PDE7A: variants seen among roughly 807,000 people sequenced by gnomAD.
PDE7A encodes high affinity 3',5'-cyclic-AMP phosphodiesterase 7A.
Under a neutral mutation model 64.3 loss-of-function variants are expected in PDE7A, and 39 were observed. The ratio of observed to expected loss-of-function variants is 0.61; its 90% confidence interval spans 0.47 to 0.79. The LOEUF (loss-of-function observed/expected upper bound fraction) is 0.79, where lower values mean the gene tolerates loss of function less well. Among genes scored for constraint, PDE7A ranks in the 30% least tolerant of loss-of-function variants. The pLI is 0.00. For missense variants in PDE7A, 470 were observed against 582.8 expected, an observed-to-expected ratio of 0.81 and a Z score of 1.99; for synonymous variants, 203 against 206.8, an observed-to-expected ratio of 0.98 and a Z score of 0.16.
At chr8:65,719,857 C>T (rs1806301424) in intron 12 of PDE7A, 1 of 260,534 alleles carries the variant, frequency 3.8e-6, no homozygotes, top group Non-Finnish European at 7.5e-6. Context: ...AGTTGCAGTG[C>T]AACAACTGGA....
intron 1 of PDE7A, among the ~76,000 whole-genome samples, chr8:65,787,057 T>G (rs1309899821): frequency 6.6e-6 from 1 of 152,210 alleles, no homozygotes; most frequent in Non-Finnish European, 1.5e-5. Flanking sequence ...ATACATAACT[T>G]TTAAAGACAG....
rs192902712 is a variant in PDE7A, at chr8:65,816,617, T to C, written c.138+24754A>G. On this transcript the variant is annotated intron_variant, in intron 1 of 12. Transcript: ENST00000401827. Reference sequence around the variant, plus strand: ...TTTTAAAGGTTAGTTTTGCTAAATATAGACTTCTTCACAGACAGTTTTCTT... The same window carrying C: ...TTTTAAAGGTTAGTTTTGCTAAATACAGACTTCTTCACAGACAGTTTTCTT... 1.6e-3 allele frequency among the ~76,000 whole-genome samples: 237 copies of C among 152,354 alleles called. 1 individual carries two copies. The highest frequency in any genetic ancestry group is 5.3e-3 in the African/African-American group (222 of 41,584).
chr8:65,817,207 ATAG>A (rs1183838369), intron 1 of PDE7A, among the ~76,000 whole-genome samples: 1 of 152,366 alleles, frequency 6.6e-6, no homozygotes, highest in African/African-American at 2.4e-5. Context: ...AGTTGCAAAG[ATAG>A]TAGAGTGTTC....
chr8:65,768,253 C>T (rs928338233), intron 3 of PDE7A, among the ~76,000 whole-genome samples: 2 of 152,162 alleles, frequency 1.3e-5, no homozygotes, highest in Admixed American at 1.3e-4. Flanking sequence ...TTCCAAATCT[C>T]TTAACACAAG....
intron 1 of PDE7A, among the ~76,000 whole-genome samples, chr8:65,840,036 C>T (rs1401117401): frequency 1.3e-5 from 2 of 152,124 alleles, no homozygotes; most frequent in East Asian, 3.8e-4. Flanking sequence ...CCTTTAACTA[C>T]TACTATTAAA....
chr8:65,772,794 A>T (rs752508468), intron 3 of PDE7A, among the ~76,000 whole-genome samples: 13 of 152,188 alleles, frequency 8.5e-5, no homozygotes, highest in Non-Finnish European at 1.8e-4. Flanking sequence ...ACTTGAGGTC[A>T]GGAGTTCAAG....
Position 65,739,585 on chromosome 8 carries a change from A to C in PDE7A, c.512T>G (p.Val171Gly). ...FDRLTNGNSL[V>G]SLTFHLFSLH... is the part of the protein sequence containing the mutation. Reference sequence around the variant, plus strand: ...ACTAAATAAATGAAAGGTTAAGCTTACTAGACTATTTCCTAAAAAGAAAGA... The same window carrying C: ...ACTAAATAAATGAAAGGTTAAGCTTCCTAGACTATTTCCTAAAAAGAAAGA... Residue 171 changes from valine to glycine, a missense_variant, in exon 6 of 13, where the codon GTA becomes GGA. By Grantham distance (109) the Val-to-Gly change is moderately radical. Coordinates refer to ENST00000401827, the MANE Select transcript of PDE7A (RefSeq NM_001242318.3). The C allele has an allele frequency of 6.5e-7, 1 of 1,532,356 alleles. No individual in the cohort carries two copies. The highest frequency in any genetic ancestry group is 8.7e-7 in the Non-Finnish European group (1 of 1,145,670). 94.9% of individuals were successfully genotyped at this position (1,532,356 alleles called of 1,614,324 possible).
intron 7 of PDE7A, among the ~76,000 whole-genome samples, chr8:65,732,147 C>T (rs572337526): frequency 2.2e-3 from 335 of 151,908 alleles, no homozygotes; most frequent in African/African-American, 7.6e-3. Context: ...TACAGGCACC[C>T]GCCACCATGC....
At chr8:65,790,835 A>G (rs1484682486) in intron 1 of PDE7A, among the ~76,000 whole-genome samples, 1 of 152,234 alleles carries the variant, frequency 6.6e-6, no homozygotes, top group Admixed American at 6.5e-5. Flanking sequence ...AGGTTCTAGC[A>G]ACTAAACTTG....
chr8:65,782,748 T>TTGGTATAAAATAAA (rs1204107794), intron 2 of PDE7A, 35 bp downstream of exon 2: 1 of 1,196,968 alleles, frequency 8.4e-7, no homozygotes, highest in Non-Finnish European at 1.2e-6. Flanking sequence ...AATAACAAAA[T>TTGGTATAAAATAAA]TAACTGATAT....
intron 1 of PDE7A, among the ~76,000 whole-genome samples, chr8:65,831,061 G>A (rs928649059): frequency 1.3e-5 from 2 of 151,996 alleles, no homozygotes; most frequent in Non-Finnish European, 2.9e-5. Flanking sequence ...AACACTACCA[G>A]AAATTACATC....
chr8:65,790,054 A>G (rs1057397125), intron 1 of PDE7A, among the ~76,000 whole-genome samples: 2 of 152,240 alleles, frequency 1.3e-5, no homozygotes, highest in African/African-American at 4.8e-5. Flanking sequence ...AATGACCCTG[A>G]GATAAAGTGT....
intron 3 of PDE7A, among the ~76,000 whole-genome samples, chr8:65,761,386 C>G (rs1389608379): frequency 6.6e-6 from 1 of 152,160 alleles, no homozygotes; most frequent in Non-Finnish European, 1.5e-5. Flanking sequence ...TTCTCATGAG[C>G]TCACTGTGAC....
chr8:65,743,879 C>G (rs1457953888), intron 5 of PDE7A, among the ~76,000 whole-genome samples: 2 of 151,568 alleles, frequency 1.3e-5, no homozygotes. Context: ...ATTGCCCAGG[C>G]TGGAGTGCAA....
intron 1 of PDE7A, among the ~76,000 whole-genome samples, chr8:65,819,945 C>T (rs1226673032): frequency 1.3e-5 from 2 of 152,216 alleles, no homozygotes; most frequent in African/African-American, 4.8e-5. Context: ...TCCTTCTCCT[C>T]CCCACAGACT....
At chr8:65,821,075 T>C (rs1379646116) in intron 1 of PDE7A, among the ~76,000 whole-genome samples, 3 of 152,200 alleles carry the variant, frequency 2.0e-5, no homozygotes, top group Non-Finnish European at 1.5e-5. Context: ...TAATAAGAAT[T>C]ATCTACTCAT....
intron 5 of PDE7A, among the ~76,000 whole-genome samples, chr8:65,743,319 C>CTAACTGTG (rs1427440692): frequency 6.6e-6 from 1 of 152,162 alleles, no homozygotes; most frequent in Non-Finnish European, 1.5e-5. Flanking sequence ...CAAGGGAAGG[C>CTAACTGTG]TAACTGTGTA....
At chr8:65,838,542 A>C (rs1216704450) in intron 1 of PDE7A, 1 of 152,202 alleles carries the variant, frequency 6.6e-6, no homozygotes, top group Non-Finnish European at 1.5e-5. Flanking sequence ...AAGCTTGTCC[A>C]TTTCAGTTCA....
intron 6 of PDE7A, among the ~76,000 whole-genome samples, chr8:65,739,123 A>C (rs1453057657): frequency 1.3e-5 from 2 of 152,232 alleles, no homozygotes; most frequent in Admixed American, 1.3e-4. Context: ...GGCTAATTGT[A>C]AAATAAATAA....
Sources: allele counts gnomAD v4.1 joint callset (sites outside exome capture counted in the v4.1 genomes callset), GRCh38; gene constraint gnomAD v4.1.1; transcripts MANE v1.5; gene names NCBI Gene and HGNC (gene_info 2026-07-23, HGNC 2026-07-21).